The following METTL15 variants were observed in gnomAD, a reference collection of about 807,000 sequenced individuals.
METTL15 encodes the protein 12S rRNA N(4)-cytidine methyltransferase METTL15.
A neutral mutation model predicts 38.3 loss-of-function variants in METTL15; 34 were observed. The observed-to-expected ratio is 0.89, with a 90% CI of 0.68 to 1.18. The LOEUF is 1.18. METTL15 is among the 50% of genes most tolerant of loss of function. The probability of loss-of-function intolerance (pLI) is 0.00; values close to 1 mark genes in which losing one functional copy is unlikely to be tolerated. For synonymous variants in METTL15, 162 were observed against 170.9 expected, an observed-to-expected ratio of 0.95 and a Z score of 0.41; for missense variants, 438 against 498.4, an observed-to-expected ratio of 0.88 and a Z score of 1.15.
rs530911868 is a variant in METTL15 at position 28,435,121 on chromosome 11, A to G, written c.*424+10757A>G. Reference sequence around the variant, plus strand: ...GTCTGCCTTCAGGGCACAATTACTAACATGCTTGACCACGTGAAATACATT... The same window carrying G: ...GTCTGCCTTCAGGGCACAATTACTAGCATGCTTGACCACGTGAAATACATT... On this transcript the variant is annotated intron_variant and NMD_transcript_variant, in intron 6 of 7. Transcript: ENST00000532947. Among the ~76,000 whole-genome samples the G allele has an allele frequency of 1.9e-4, 29 of 152,296 alleles. No homozygotes were observed. In the South Asian group the frequency reaches 2.1e-3, roughly 11 times the overall value.
chr11:28,500,992 T>C (rs754660113), intron 6 of METTL15, among the ~76,000 whole-genome samples: 5 of 152,214 alleles, frequency 3.3e-5, no homozygotes, highest in Non-Finnish European at 7.4e-5. Context: ...TTTTATCTTC[T>C]TCAAGCCCAA....
At chr11:28,126,225 T>A (rs1852480303) in intron 3 of METTL15, among the ~76,000 whole-genome samples, 1 of 152,154 alleles carries the variant, frequency 6.6e-6, no homozygotes, top group Non-Finnish European at 1.5e-5. Flanking sequence ...CCACCCTGTC[T>A]GAAATTTCAA....
At chr11:28,172,071 G>T (rs994253479) in intron 3 of METTL15, among the ~76,000 whole-genome samples, 1 of 152,080 alleles carries the variant, frequency 6.6e-6, no homozygotes, top group Non-Finnish European at 1.5e-5. Context: ...GAAGTGTTGG[G>T]ATTACAGGTG....
chr11:28,115,949 C>CAT (rs1384878301), intron 3 of METTL15, among the ~76,000 whole-genome samples: 19 of 151,324 alleles, frequency 1.3e-4, no homozygotes, highest in Admixed American at 1.3e-3. Flanking sequence ...CACACACACA[C>CAT]ACACACACAC....
chr11:28,327,299 C>T (rs1033393453), intron 6 of METTL15, among the ~76,000 whole-genome samples: 1 of 152,198 alleles, frequency 6.6e-6, no homozygotes, highest in Non-Finnish European at 1.5e-5. Flanking sequence ...AGAAGGAAAG[C>T]TTCATAGATT....
At chr11:28,454,806 A>C (rs1054930389) in intron 6 of METTL15, among the ~76,000 whole-genome samples, 5 of 152,196 alleles carry the variant, frequency 3.3e-5, no homozygotes, top group African/African-American at 1.2e-4. Flanking sequence ...CTTGTTGAAT[A>C]AGCTTTATTC....
chr11:28,438,862 C>CG (rs899792422), intron 6 of METTL15, among the ~76,000 whole-genome samples: 19 of 151,180 alleles, frequency 1.3e-4, no homozygotes, highest in South Asian at 4.2e-4. Flanking sequence ...TTAGTAGAGA[C>CG]GGGGGGGTTT....
intron 3 of METTL15, among the ~76,000 whole-genome samples, chr11:28,150,137 C>G (rs1374222838): frequency 4.0e-5 from 6 of 151,862 alleles, no homozygotes; most frequent in African/African-American, 1.2e-4. Context: ...CACTGCACCC[C>G]AGCCCTCCAA....
chr11:28,185,784 G>C (rs983854764), intron 3 of METTL15, among the ~76,000 whole-genome samples: 3 of 150,734 alleles, frequency 2.0e-5, no homozygotes, highest in African/African-American at 7.3e-5. Context: ...CTTTAATCAT[G>C]TTTCAGGTCT....
chr11:28,228,845 G>T (rs1342519358), intron 4 of METTL15, among the ~76,000 whole-genome samples: 2 of 151,742 alleles, frequency 1.3e-5, no homozygotes, highest in African/African-American at 4.8e-5. Flanking sequence ...AGACTTACAA[G>T]GTATCTGAAA....
chr11:28,305,369 T>C (rs1281512718), intron 6 of METTL15, among the ~76,000 whole-genome samples: 2 of 152,148 alleles, frequency 1.3e-5, no homozygotes, highest in Non-Finnish European at 2.9e-5. Context: ...TAATGCTAGC[T>C]AACACTTACT....
At chr11:28,483,306 C>T (rs755229989) in intron 6 of METTL15, among the ~76,000 whole-genome samples, 9 of 152,210 alleles carry the variant, frequency 5.9e-5, no homozygotes, top group Middle Eastern at 3.4e-3. Flanking sequence ...GGCCTGATGT[C>T]GGATATTTAG....
intron 3 of METTL15, among the ~76,000 whole-genome samples, chr11:28,133,494 C>CA (rs1210142451): frequency 6.6e-6 from 1 of 152,150 alleles, no homozygotes. Context: ...TAATCATGCT[C>CA]AAATGTAGTT....
chr11:28,335,609 T>G (rs1196074918), downstream of METTL15, among the ~76,000 whole-genome samples: 1 of 152,148 alleles, frequency 6.6e-6, no homozygotes, highest in Non-Finnish European at 1.5e-5. Flanking sequence ...GATGTCCGGG[T>G]CATGGGAGAG....
intron 5 of METTL15, among the ~76,000 whole-genome samples, chr11:28,381,628 T>C (rs1213676882): frequency 6.6e-5 from 10 of 152,136 alleles, no homozygotes; most frequent in Non-Finnish European, 1.2e-4. Context: ...CTCTGCTAGA[T>C]TCTTTCTTCT....
chr11:28,242,997 C>A (rs1854363040), intron 4 of METTL15, among the ~76,000 whole-genome samples: 1 of 151,712 alleles, frequency 6.6e-6, no homozygotes, highest in Non-Finnish European at 1.5e-5. Context: ...CTAGCCAGAA[C>A]TGACCCTATG....
At chr11:28,339,774 GA>G (rs945365938) in intron 3 of METTL15, among the ~76,000 whole-genome samples, 6 of 151,844 alleles carry the variant, frequency 4.0e-5, no homozygotes, top group Non-Finnish European at 7.4e-5. Context: ...CAAAGTTGAA[GA>G]AAAAAAGTCC....
intron 4 of METTL15, among the ~76,000 whole-genome samples, chr11:28,355,685 A>G (rs1008724038): frequency 6.6e-6 from 1 of 152,194 alleles, no homozygotes; most frequent in Non-Finnish European, 1.5e-5. Context: ...GAAGATTTGC[A>G]TAAGTTATAT....
chr11:28,472,396 C>A (rs1851310884), intron 6 of METTL15, among the ~76,000 whole-genome samples: 1 of 152,090 alleles, frequency 6.6e-6, no homozygotes. Flanking sequence ...AGGAAGGCCA[C>A]CTTGGTGTTG....
Sources: allele counts gnomAD v4.1 joint callset (sites outside exome capture counted in the v4.1 genomes callset), GRCh38; gene constraint gnomAD v4.1.1; transcripts MANE v1.5; gene names NCBI Gene and HGNC (gene_info 2026-07-23, HGNC 2026-07-21).